Variants in PRKG1 observed in about 807,000 individuals in gnomAD.
PRKG1 encodes the protein cGMP-dependent protein kinase 1.
PRKG1 carries 35 observed loss-of-function variants against 88.1 expected under a neutral mutation model. The ratio of observed to expected loss-of-function variants is 0.40; its 90% CI spans 0.30 to 0.53. The LOEUF (loss-of-function observed/expected upper bound fraction) is 0.53. Among genes scored for constraint, PRKG1 ranks in the 20% least tolerant of loss-of-function variants. PRKG1 has a pLI of 0.59. For synonymous variants in PRKG1, 303 were observed against 292.5 expected, an observed-to-expected ratio of 1.04 and a Z score of -0.37; for missense variants, 540 against 839.8, an observed-to-expected ratio of 0.64 and a Z score of 4.41.
At chr10:51,698,181 C>G in intron 3 of PRKG1, 1 of 1,614,138 alleles carries the variant, frequency 6.2e-7, no homozygotes, top group Non-Finnish European at 8.5e-7. Context: ...ATCTCCAATC[C>G]TCTTGCATCC....
chr10:52,210,407 T>C (rs1564517282), intron 9 of PRKG1, among the ~76,000 whole-genome samples: 3 of 152,110 alleles, frequency 2.0e-5, no homozygotes, highest in Middle Eastern at 3.4e-3. Context: ...TAAATGTCAC[T>C]TCCTCAGAGA....
intron 3 of PRKG1, among the ~76,000 whole-genome samples, chr10:51,670,186 A>G (rs1840522549): frequency 1.3e-5 from 2 of 151,984 alleles, no homozygotes; most frequent in South Asian, 2.1e-4. Context: ...TAACATATCT[A>G]TATATTACTT....
chr10:51,654,933 G>T (rs1470469491), intron 3 of PRKG1, among the ~76,000 whole-genome samples: 1 of 152,138 alleles, frequency 6.6e-6, no homozygotes, highest in Non-Finnish European at 1.5e-5. Context: ...ACAATCAAGA[G>T]ATTTCAATAA....
At chr10:51,658,406 A>G (rs1042666009) in intron 3 of PRKG1, among the ~76,000 whole-genome samples, 1 of 152,072 alleles carries the variant, frequency 6.6e-6, no homozygotes, top group Non-Finnish European at 1.5e-5. Context: ...TGAGGGTGGG[A>G]GAATAGACAT....
intron 7 of PRKG1, among the ~76,000 whole-genome samples, chr10:52,086,846 G>C (rs1203534345): frequency 6.6e-6 from 1 of 152,098 alleles, no homozygotes; most frequent in African/African-American, 2.4e-5. Flanking sequence ...AGTTCCGCAG[G>C]GCTGGGGAAA....
intron 4 of PRKG1, among the ~76,000 whole-genome samples, chr10:51,817,960 T>A (rs1839635719): frequency 1.3e-5 from 2 of 152,172 alleles, no homozygotes. Flanking sequence ...AGTAATCACT[T>A]TTTTTCATTT....
chr10:52,024,620 GT>G (rs1381284408), intron 5 of PRKG1, among the ~76,000 whole-genome samples: 10 of 152,016 alleles, frequency 6.6e-5, no homozygotes, highest in Non-Finnish European at 2.9e-5. Context: ...GAGAATGATG[GT>G]TTCCAGCTTC....
chr10:52,029,613 C>A (rs1845428437), intron 5 of PRKG1, among the ~76,000 whole-genome samples: 2 of 152,140 alleles, frequency 1.3e-5, no homozygotes, highest in African/African-American at 2.4e-5. Flanking sequence ...TACTTTAGTG[C>A]CTGGTACTTG....
chr10:51,671,993 A>G (rs751029015), intron 3 of PRKG1, among the ~76,000 whole-genome samples: 56 of 152,202 alleles, frequency 3.7e-4, no homozygotes, highest in Non-Finnish European at 7.2e-4. Flanking sequence ...ATAAATTTTA[A>G]GGGAACACAA....
At chr10:51,638,224 G>A (rs940194228) in intron 3 of PRKG1, among the ~76,000 whole-genome samples, 3 of 152,080 alleles carry the variant, frequency 2.0e-5, no homozygotes, top group Admixed American at 1.3e-4. Context: ...AAATTGACTA[G>A]CAGTTTTATT....
intron 7 of PRKG1, among the ~76,000 whole-genome samples, chr10:52,106,549 T>G (rs933010102): frequency 6.6e-6 from 1 of 151,844 alleles, no homozygotes; most frequent in African/African-American, 2.4e-5. Context: ...CACTTCATGG[T>G]TTTGTCCTCC....
At chr10:52,035,398 C>A (rs182487481) in intron 5 of PRKG1, among the ~76,000 whole-genome samples, 4 of 151,976 alleles carry the variant, frequency 2.6e-5, no homozygotes, top group East Asian at 3.9e-4. Flanking sequence ...CCTTGAGGAT[C>A]GATTTCCACG....
At chr10:52,200,541 G>A (rs1304515479) in intron 9 of PRKG1, among the ~76,000 whole-genome samples, 3 of 152,064 alleles carry the variant, frequency 2.0e-5, no homozygotes, top group Non-Finnish European at 4.4e-5. Context: ...TGTCTTTATG[G>A]TAGAACAATT....
In PRKG1 at chr10:51,591,145, ATGTG is replaced by A. The variant is rs4041277; in HGVS notation, c.592+123326_592+123329del. Among the ~76,000 whole-genome samples the A allele has an allele frequency of 5.9e-3, 889 of 150,500 alleles. 9 individuals carry two copies. Among genetic ancestry groups the A allele is most frequent in the African/African-American group, 0.02 (841 of 41,030 alleles). On this transcript the variant is annotated intron_variant, in intron 3 of 17. Coordinates refer to ENST00000373980, the MANE Select transcript of PRKG1 (RefSeq NM_006258.4). Reference sequence around the variant, plus strand: ...GTAAGAGTCAGTAAGGAAAAGTAGTATGTGTGTGTGTGTGTGTGTGCCTGTGTGT... The same window carrying A: ...GTAAGAGTCAGTAAGGAAAAGTAGTATGTGTGTGTGTGTGTGCCTGTGTGT...
At chr10:51,421,322 G>A (rs1838411731) in intron 2 of PRKG1, among the ~76,000 whole-genome samples, 1 of 152,060 alleles carries the variant, frequency 6.6e-6, no homozygotes, top group Non-Finnish European at 1.5e-5. Context: ...TGAGGCACAT[G>A]TCACCATGCC....
At chr10:52,026,710 C>G (rs1463480864) in intron 5 of PRKG1, among the ~76,000 whole-genome samples, 1 of 152,222 alleles carries the variant, frequency 6.6e-6, no homozygotes, top group Non-Finnish European at 1.5e-5. Flanking sequence ...GGCACGGTGG[C>G]TCACGCCTGT....
intron 4 of PRKG1, among the ~76,000 whole-genome samples, chr10:51,884,213 G>A (rs1420365349): frequency 2.0e-5 from 3 of 151,160 alleles, no homozygotes; most frequent in African/African-American, 4.9e-5. Context: ...TTGGGAGGCC[G>A]AGACGGGCAG....
chr10:51,547,117 C>A (rs1032479073), intron 3 of PRKG1, among the ~76,000 whole-genome samples: 20 of 151,966 alleles, frequency 1.3e-4, no homozygotes, highest in Admixed American at 1.1e-3. Flanking sequence ...TTTATATTCA[C>A]CCTAATATAT....
intron 3 of PRKG1, among the ~76,000 whole-genome samples, chr10:51,592,278 C>T (rs1264972507): frequency 6.6e-6 from 1 of 152,150 alleles, no homozygotes; most frequent in Non-Finnish European, 1.5e-5. Context: ...CAGACCATTG[C>T]CTTTGAATGG....
Sources: allele counts gnomAD v4.1 joint callset (sites outside exome capture counted in the v4.1 genomes callset), GRCh38; gene constraint gnomAD v4.1.1; transcripts MANE v1.5; gene names NCBI Gene and HGNC (gene_info 2026-07-23, HGNC 2026-07-21).